Variants in AAK1 observed in about 807,000 individuals in gnomAD.
The protein encoded by AAK1 is AP2 associated kinase 1.
In AAK1, 37 loss-of-function variants were observed where a neutral mutation model predicts 116.0. The ratio of observed to expected loss-of-function variants is 0.32; its 90% confidence interval spans 0.25 to 0.42. The LOEUF (loss-of-function observed/expected upper bound fraction) is 0.42. Ranked by LOEUF, AAK1 falls within the 10% of genes least tolerant of loss-of-function variation. AAK1 has a pLI of 1.00. For missense variants in AAK1, 919 were observed against 1,170.6 expected, an observed-to-expected ratio of 0.79 and a Z score of 3.14; for synonymous variants, 458 against 439.9, an observed-to-expected ratio of 1.04 and a Z score of -0.51.
In AAK1 at chr2:69,642,883, G is replaced by A; in HGVS notation, c.158C>T (p.Ala53Val). Residue 53 changes from alanine (A) to valine (V), a missense_variant, in exon 2 of 22, where the codon GCG becomes GTG. Ala to Val is a moderately conservative substitution (Grantham distance 64). Transcript: ENST00000409085. ...RQQVTVDEVL[A>V]EGGFAIVFLV... ...CGCATTGAGCCCCACCGTACCTTCC[G>A]CCAACACCTCGTCCACTGTGACCTG... The A allele has an allele frequency of 6.2e-7, 1 of 1,613,726 alleles. No individual in the cohort carries two copies. The highest frequency in any genetic ancestry group is 8.5e-7 in the Non-Finnish European group (1 of 1,179,854).
intron 2 of AAK1, among the ~76,000 whole-genome samples, chr2:69,607,618 T>C (rs910251087): frequency 2.0e-5 from 3 of 152,186 alleles, no homozygotes; most frequent in African/African-American, 7.2e-5. Context: ...GACAGTATCA[T>C]GAAAACCTTC....
chr2:69,500,218 G>A (rs1272666706), intron 16 of AAK1: 1 of 152,132 alleles, frequency 6.6e-6, no homozygotes, highest in African/African-American at 2.4e-5. Flanking sequence ...TTGTACAAAC[G>A]AGAGCAAATG....
At chr2:69,624,294 TTGTAA>T (rs1460449206) in intron 2 of AAK1, among the ~76,000 whole-genome samples, 1 of 152,224 alleles carries the variant, frequency 6.6e-6, no homozygotes, top group Non-Finnish European at 1.5e-5. Flanking sequence ...TGCAGCTGTT[TTGTAA>T]TATCTATAAA....
chr2:69,535,599 G>A (rs572618342), intron 5 of AAK1, among the ~76,000 whole-genome samples: 1 of 152,190 alleles, frequency 6.6e-6, no homozygotes, highest in East Asian at 1.9e-4. Flanking sequence ...GTATAGTCGG[G>A]GAAGGTCTCT....
At chr2:69,536,516 T>A (rs571175631) in intron 5 of AAK1, among the ~76,000 whole-genome samples, 29 of 152,172 alleles carry the variant, frequency 1.9e-4, no homozygotes, top group Non-Finnish European at 3.7e-4. Context: ...TACACCACCT[T>A]CTGAAAGCTT....
Position 69,469,891 on chromosome 2 carries a change from T to C in AAK1, c.*5978A>G, listed in dbSNP as rs777362514. The C allele has an allele frequency of 9.1e-6, 9 of 985,356 alleles. No homozygotes were observed. In the Admixed American group the frequency reaches 1.8e-4, roughly 20 times the overall value. The allele number at this position is 985,356 out of a possible 1,614,324, so 61.0% of individuals were successfully genotyped here. A position where few individuals can be genotyped will look rare whatever the true frequency, so the allele number is the denominator to read the frequency against. Reference sequence around the variant, plus strand: ...TAGTCTATTTTGAGGCTCCAAATTATGTAGATTTCAGCAAGAACTCACATG... The same window carrying C: ...TAGTCTATTTTGAGGCTCCAAATTACGTAGATTTCAGCAAGAACTCACATG... On this transcript the variant is annotated 3_prime_UTR_variant, in exon 22 of 22. Coordinates refer to ENST00000409085, the MANE Select transcript of AAK1 (RefSeq NM_014911.5).
chr2:69,483,822 T>C (rs1675187628), intron 17 of AAK1, among the ~76,000 whole-genome samples: 1 of 152,244 alleles, frequency 6.6e-6, no homozygotes, highest in Non-Finnish European at 1.5e-5. Flanking sequence ...AAAGGACGCC[T>C]GAGCCACCAG....
At chr2:69,497,883 T>G (rs959056956) in intron 16 of AAK1, among the ~76,000 whole-genome samples, 3 of 152,166 alleles carry the variant, frequency 2.0e-5, no homozygotes, top group Admixed American at 6.5e-5. Context: ...CCTAGGCTCC[T>G]CAGTGCTCAC....
Position 69,469,416 on chromosome 2 carries a change from T to C in AAK1, c.*6453A>G, listed in dbSNP as rs1674601604. On this transcript the variant is annotated 3_prime_UTR_variant, in exon 22 of 22. Coordinates refer to ENST00000409085, the MANE Select transcript of AAK1 (RefSeq NM_014911.5). ...TCTTTTTTTGAGTATGTGAATGTGT[T>C]CTTACAGGGAAAATGTGTTTTCAGG... is the stretch of plus-strand genomic sequence containing the variant. The C allele has an allele frequency of 1.0e-6, 1 of 985,368 alleles. No individual in the cohort carries two copies. The allele number at this position is 985,368 out of a possible 1,614,324, so 61.0% of individuals were successfully genotyped here. A position where few individuals can be genotyped will look rare whatever the true frequency, so the allele number is the denominator to read the frequency against.
chr2:69,466,850 G>A lies in AAK1; in HGVS notation c.*9019C>T, dbSNP rs573668939. 1.1e-5 allele frequency: 11 copies of A among 985,208 alleles called. No homozygotes were observed. The highest frequency in any genetic ancestry group is 1.1e-4 in the East Asian group (1 of 8,814). The allele number at this position is 985,208 out of a possible 1,614,324, so 61.0% of individuals were successfully genotyped here. A position where few individuals can be genotyped will look rare whatever the true frequency, so the allele number is the denominator to read the frequency against. On this transcript the variant is annotated 3_prime_UTR_variant, in exon 22 of 22. Transcript: ENST00000409085. ...TGCTCCTACACACAGGGCCAGGCACGGACACCTGCTCTACCTGGCACTGGC... is the reference window on the plus strand; with the variant it reads ...TGCTCCTACACACAGGGCCAGGCACAGACACCTGCTCTACCTGGCACTGGC...
At chr2:69,577,553 G>A (rs1558975232) in intron 2 of AAK1, among the ~76,000 whole-genome samples, 1 of 152,186 alleles carries the variant, frequency 6.6e-6, no homozygotes, top group Non-Finnish European at 1.5e-5. Context: ...GGCAATATGG[G>A]AGAGCGCCAA....
intron 2 of AAK1, chr2:69,597,927 C>T (rs1357625415): frequency 8.0e-6 from 2 of 249,884 alleles, no homozygotes; most frequent in Non-Finnish European, 1.5e-5. Context: ...TCCCATCCCT[C>T]AAATATGAAA....
chr2:69,546,137 G>T (rs1229074077), intron 3 of AAK1, among the ~76,000 whole-genome samples: 2 of 152,038 alleles, frequency 1.3e-5, no homozygotes, highest in African/African-American at 4.8e-5. Context: ...AGGAGGCAAG[G>T]ATGGCTGTGC....
At chr2:69,576,969 C>A in intron 2 of AAK1, among the ~76,000 whole-genome samples, 1 of 152,260 alleles carries the variant, frequency 6.6e-6, no homozygotes, top group East Asian at 1.9e-4. Flanking sequence ...ACCAGACCTT[C>A]ACATCTTCCA....
rs1367554608 is a variant in AAK1 at position 69,470,204 on chromosome 2, C to A, written c.*5665G>T. 4 of 985,224 alleles carry A rather than the reference C, an allele frequency of 4.1e-6. No homozygotes were observed. The South Asian group carries it at 1.9e-4, about 46-fold the overall frequency. The allele number at this position is 985,224 out of a possible 1,614,324, so 61.0% of individuals were successfully genotyped here. ...CTGAAAGAACGGTTACAGGGAGTAT[C>A]AAAGATATGATTCTTGCCAAAAACA... On this transcript the variant is annotated 3_prime_UTR_variant, in exon 22 of 22. Coordinates refer to ENST00000409085, the MANE Select transcript of AAK1 (RefSeq NM_014911.5).
chr2:69,485,879 G>A (rs543080971), intron 17 of AAK1, among the ~76,000 whole-genome samples: 14 of 151,670 alleles, frequency 9.2e-5, no homozygotes, highest in African/African-American at 3.1e-4. Context: ...GGTTGGTCTC[G>A]AACTCCTGAC....
chr2:69,591,203 C>T (rs892122549), intron 2 of AAK1, among the ~76,000 whole-genome samples: 16 of 152,166 alleles, frequency 1.1e-4, no homozygotes, highest in Admixed American at 9.8e-4. Flanking sequence ...GGAGAAAGAA[C>T]TCAACTCAAA....
At chr2:69,482,859 A>T in intron 17 of AAK1, 47 bp from the exon 18 acceptor site, 9 of 1,215,352 alleles carry the variant, frequency 7.4e-6, no homozygotes, top group Non-Finnish European at 9.7e-6. Flanking sequence ...GTAGTAAGAT[A>T]TTAAAGCCAG....
intron 17 of AAK1, 97 bp downstream of exon 17, chr2:69,495,888 C>A (rs1675718581): frequency 2.0e-5 from 19 of 972,408 alleles, no homozygotes; most frequent in Non-Finnish European, 3.0e-6. Context: ...GCTTGGAATT[C>A]AGATCCTTTT....
Sources: allele counts gnomAD v4.1 joint callset (sites outside exome capture counted in the v4.1 genomes callset), GRCh38; gene constraint gnomAD v4.1.1; transcripts MANE v1.5; gene names NCBI Gene and HGNC (gene_info 2026-07-23, HGNC 2026-07-21).